CEP192: variants seen among roughly 807,000 people sequenced by gnomAD.
The protein encoded by CEP192 is centrosomal protein of 192 kDa.
In CEP192, 151 loss-of-function variants were observed where a neutral mutation model predicts 271.8. That is an observed-to-expected ratio of 0.56 (90% CI 0.49 to 0.64). The LOEUF (loss-of-function observed/expected upper bound fraction) is 0.64. Among genes scored for constraint, CEP192 ranks in the 30% least tolerant of loss-of-function variants. CEP192 has a pLI of 0.00. For missense variants in CEP192, 2,910 were observed against 3,020.5 expected (o/e 0.96, Z 0.86); for synonymous variants, 995 against 1,076.5 (o/e 0.92, Z 1.48).
In CEP192 at chr18:13,059,234, T is replaced by C; in HGVS notation, c.4410T>C (p.Asp1470=). The C allele has an allele frequency of 6.2e-7, 1 of 1,614,220 alleles. No homozygotes were observed. Among genetic ancestry groups the C allele is most frequent in the Non-Finnish European group, 8.5e-7 (1 of 1,180,038 alleles). ...FSVASWPCST[D]AETIVQAEAL... ...TTGCTTCTTGGCCATGTTCGACAGA[T>C]GCTGAGACCATCGTACAGGCAGAAG... Residue 1470 remains aspartate, a synonymous_variant, in exon 21 of 45, where the codon GAT becomes GAC. Coordinates refer to ENST00000506447, the MANE Select transcript of CEP192 (RefSeq NM_032142.4).
In CEP192 at chr18:13,103,587, A is replaced by G; in HGVS notation, c.6950A>G (p.Lys2317Arg). The change falls in exon 39 of 45, where the codon AAG becomes AGG. Residue 2317 changes from lysine (K) to arginine (R), a missense_variant and splice_region_variant. Transcript: ENST00000506447. ...TCATCTTTAGCGCCACCTTATGTCAAGGTCAGTCATGACTGCCTCAGATAT... is the reference window on the plus strand; with the variant it reads ...TCATCTTTAGCGCCACCTTATGTCAGGGTCAGTCATGACTGCCTCAGATAT... ...HLSSLAPPYV[K>R]GVDESGDVFR... The G allele has an allele frequency of 1.2e-6, 2 of 1,611,078 alleles. No homozygotes were observed. Among genetic ancestry groups the G allele is most frequent in the Non-Finnish European group, 1.7e-6 (2 of 1,177,210 alleles).
At chr18:13,016,257 G>C (rs756318354) in intron 6 of CEP192, among the ~76,000 whole-genome samples, 1 of 152,156 alleles carries the variant, frequency 6.6e-6, no homozygotes, top group Non-Finnish European at 1.5e-5. Context: ...AGATATGGGA[G>C]GAGGAGGAGG....
intron 36 of CEP192, among the ~76,000 whole-genome samples, chr18:13,097,843 ACT>A (rs1381849642): frequency 6.6e-6 from 1 of 151,096 alleles, no homozygotes; most frequent in Middle Eastern, 3.4e-3. Flanking sequence ...AGTGGCGATG[ACT>A]CTTAACGAAC....
Position 13,048,883 on chromosome 18 carries a change from C to T in CEP192, c.2092C>T (p.Pro698Ser), listed in dbSNP as rs370092816. The T allele has an allele frequency of 2.6e-5, 42 of 1,605,424 alleles. No homozygotes were observed. The African/African-American group carries it at 5.2e-4, about 20-fold the overall frequency. The change falls in exon 16 of 45, where the codon CCC (proline) becomes TCC (serine). Residue 698 changes from proline to serine, a missense_variant. Physicochemically the swap from Pro to Ser is moderately conservative, Grantham distance 74. Coordinates refer to ENST00000506447, the MANE Select transcript of CEP192 (RefSeq NM_032142.4). ...GGACACTTTCTTCATGAGCAACAAA[C>T]CCCAAAGATACAAAGACAAGCTACC... ...TEDTFFMSNK[P>S]QRYKDKLPDS... is the part of the protein sequence containing the mutation.
chr18:13,116,246 A>G lies in CEP192; in HGVS notation c.7290-131A>G, dbSNP rs1435739585. On this transcript the variant is annotated intron_variant, in intron 42 of 44. Transcript: ENST00000506447. Reference sequence around the variant, plus strand: ...ATAAATTAGATAAGTCGTCATTACAAAACTTATATTTGAAAATAAATCACC... The same window carrying G: ...ATAAATTAGATAAGTCGTCATTACAGAACTTATATTTGAAAATAAATCACC... 3.3e-6 allele frequency: 3 copies of G among 921,136 alleles called. No homozygotes were observed. In the Admixed American group the frequency reaches 8.7e-5, roughly 27 times the overall value. 57.1% of individuals were successfully genotyped at this position (921,136 alleles called of 1,614,324 possible). A position where few individuals can be genotyped will look rare whatever the true frequency, so the allele number is the denominator to read the frequency against.
intron 43 of CEP192, among the ~76,000 whole-genome samples, chr18:13,117,252 T>C (rs2040475426): frequency 6.6e-6 from 1 of 152,176 alleles, no homozygotes; most frequent in Non-Finnish European, 1.5e-5. Flanking sequence ...CTTAGTATTT[T>C]ATTTGAACAT....
chr18:13,013,647 G>T (rs1403872003), intron 5 of CEP192, among the ~76,000 whole-genome samples: 1 of 152,168 alleles, frequency 6.6e-6, no homozygotes. Context: ...ATAGAGGAAT[G>T]CAAGTGACAA....
chr18:13,104,753 A>G (rs752554804), intron 39 of CEP192, among the ~76,000 whole-genome samples: 5 of 152,222 alleles, frequency 3.3e-5, no homozygotes, highest in Non-Finnish European at 7.3e-5. Flanking sequence ...ATAGCCAGGG[A>G]AGTGATAAAA....
At chr18:13,039,730 A>AG (rs1174476764) in intron 13 of CEP192, among the ~76,000 whole-genome samples, 1 of 152,202 alleles carries the variant, frequency 6.6e-6, no homozygotes, top group Non-Finnish European at 1.5e-5. Context: ...TTAGAGGCAC[A>AG]GGGCAACTTT....
At position 13,095,534 on chromosome 18, in the gene CEP192, A is replaced by C. The variant is rs769689197; in HGVS notation, c.6286A>C (p.Asn2096His). The part of the protein sequence containing the change: ...DLGASGKHGG[N>H]VSLDVLPVKG... ...GGGAGCTTCTGGGAAACATGGTGGC[A>C]ACGTCTCTTTGGATGTTTTACCAGT... is the stretch of plus-strand genomic sequence containing the variant. The change falls in exon 35 of 45, where the codon AAC becomes CAC. Residue 2096 changes from asparagine to histidine, a missense_variant. Transcript: ENST00000506447. The C allele has an allele frequency of 6.2e-7, 1 of 1,612,762 alleles. No homozygotes were observed.
intron 21 of CEP192, among the ~76,000 whole-genome samples, chr18:13,061,095 G>A (rs1053282030): frequency 2.0e-5 from 3 of 152,172 alleles, no homozygotes; most frequent in South Asian, 2.1e-4. Context: ...GGCCGAGGCG[G>A]GCAGATCACC....
At chr18:13,021,523 A>G (rs531830457) in intron 9 of CEP192, among the ~76,000 whole-genome samples, 2 of 152,316 alleles carry the variant, frequency 1.3e-5, no homozygotes, top group East Asian at 3.9e-4. Context: ...TCTTTGTAGG[A>G]CATTGGGAAG....
intron 1 of CEP192, among the ~76,000 whole-genome samples, chr18:12,996,612 C>T (rs531008739): frequency 6.6e-6 from 1 of 152,174 alleles, no homozygotes; most frequent in African/African-American, 2.4e-5. Context: ...AGATCAAGCC[C>T]TGGAGGCTTC....
chr18:13,040,689 A>T (rs1447318861), intron 13 of CEP192, 141 bp from the exon 14 acceptor site: 95 of 572,616 alleles, frequency 1.7e-4, no homozygotes, highest in Non-Finnish European at 4.2e-5. Flanking sequence ...TTTGAAGGTC[A>T]TCTCTAGTAA....
At chr18:13,054,514 T>C (rs537859790) in intron 18 of CEP192, among the ~76,000 whole-genome samples, 1 of 152,312 alleles carries the variant, frequency 6.6e-6, no homozygotes, top group African/African-American at 2.4e-5. Flanking sequence ...TGTTAGATAC[T>C]GAGTCTGCAT....
At chr18:13,113,154 C>T (rs967869112) in intron 40 of CEP192, among the ~76,000 whole-genome samples, 2 of 152,184 alleles carry the variant, frequency 1.3e-5, no homozygotes, top group Admixed American at 6.5e-5. Flanking sequence ...CGCCGCCCCC[C>T]TCACTGTTGT....
At chr18:13,041,082 T>G in intron 14 of CEP192, 126 bp downstream of exon 14, 1 of 757,568 alleles carries the variant, frequency 1.3e-6, no homozygotes, top group Non-Finnish European at 2.0e-6. Context: ...TTTCTCAGTG[T>G]TGGTTATAGA....
At chr18:13,057,931 A>G (rs1373112912) in intron 20 of CEP192, 198 bp downstream of exon 20, 1 of 360,262 alleles carries the variant, frequency 2.8e-6, no homozygotes, top group Non-Finnish European at 4.9e-6. Context: ...ATTTTCCATC[A>G]TTTATTATTT....
chr18:13,083,229 C>T (rs1344672847), intron 30 of CEP192, among the ~76,000 whole-genome samples: 1 of 152,194 alleles, frequency 6.6e-6, no homozygotes, highest in East Asian at 1.9e-4. Context: ...CAACTTGGTT[C>T]CATTCTTCCT....
Sources: allele counts gnomAD v4.1 joint callset (sites outside exome capture counted in the v4.1 genomes callset), GRCh38; gene constraint gnomAD v4.1.1; transcripts MANE v1.5; gene names NCBI Gene and HGNC (gene_info 2026-07-23, HGNC 2026-07-21).